RAB7A: variants seen among roughly 807,000 people sequenced by gnomAD.
The protein encoded by RAB7A is RAB7A, member RAS oncogene family, also known as ras-related protein Rab-7a.
Under a neutral mutation model 24.5 loss-of-function variants are expected in RAB7A, and 2 were observed. The ratio of observed to expected loss-of-function variants is 0.08; its 90% CI spans 0.03 to 0.26. The LOEUF is 0.26. Ranked by LOEUF, RAB7A falls within the 10% of genes least tolerant of loss-of-function variation. RAB7A has a pLI of 1.00. For missense variants in RAB7A, 118 were observed against 255.7 expected (o/e 0.46, Z 3.67); for synonymous variants, 100 against 95.9 (o/e 1.04, Z -0.25).
chr3:128,752,953 G>T (rs2070700299), intron 1 of RAB7A, among the ~76,000 whole-genome samples: 1 of 152,072 alleles, frequency 6.6e-6, no homozygotes, highest in Non-Finnish European at 1.5e-5. Context: ...GTCTCAAAAT[G>T]ATGCTACAAA....
chr3:128,727,013 A>G (rs891951148), intron 1 of RAB7A, among the ~76,000 whole-genome samples: 5 of 152,180 alleles, frequency 3.3e-5, no homozygotes, highest in African/African-American at 1.2e-4. Flanking sequence ...TCGAGGAAAG[A>G]TGGTAGTTGG....
chr3:128,742,866 T>G (rs2070568313), intron 1 of RAB7A, among the ~76,000 whole-genome samples: 1 of 152,248 alleles, frequency 6.6e-6, no homozygotes, highest in Non-Finnish European at 1.5e-5. Flanking sequence ...TGGCTTCGCC[T>G]AGCGGATCCC....
intron 1 of RAB7A, among the ~76,000 whole-genome samples, chr3:128,788,596 A>G (rs995271071): frequency 1.3e-5 from 2 of 152,150 alleles, no homozygotes; most frequent in Non-Finnish European, 2.9e-5. Flanking sequence ...AGTGGGTACT[A>G]CTATACTTTG....
intron 1 of RAB7A, among the ~76,000 whole-genome samples, chr3:128,773,495 C>T (rs1369063725): frequency 6.9e-6 from 1 of 145,070 alleles, no homozygotes; most frequent in Non-Finnish European, 1.6e-5. Flanking sequence ...GCCCAGCAAG[C>T]CGACCCGTCC....
At chr3:128,779,347 G>A (rs1451990993) in intron 1 of RAB7A, among the ~76,000 whole-genome samples, 2 of 151,870 alleles carry the variant, frequency 1.3e-5, no homozygotes, top group African/African-American at 4.8e-5. Flanking sequence ...GACAAAGGTT[G>A]CAGTGAGCCG....
chr3:128,791,285 G>T (rs1933447287), intron 1 of RAB7A, among the ~76,000 whole-genome samples: 1 of 152,018 alleles, frequency 6.6e-6, no homozygotes, highest in Non-Finnish European at 1.5e-5. Flanking sequence ...GGGATTAGTT[G>T]CCCACCACCA....
At chr3:128,727,164 C>T (rs555637007) in intron 1 of RAB7A, among the ~76,000 whole-genome samples, 1 of 152,300 alleles carries the variant, frequency 6.6e-6, no homozygotes, top group Non-Finnish European at 1.5e-5. Context: ...TGCTAGGCAG[C>T]GTGGCAAGAC....
At chr3:128,795,553 G>C in intron 2 of RAB7A, 133 bp downstream of exon 2, 5 of 824,144 alleles carry the variant, frequency 6.1e-6, no homozygotes, top group Non-Finnish European at 8.5e-6. Context: ...TCCCTCCACG[G>C]CAGAAATTTA....
intron 3 of RAB7A, among the ~76,000 whole-genome samples, chr3:128,802,219 A>G (rs937321917): frequency 6.6e-6 from 1 of 152,234 alleles, no homozygotes; most frequent in Non-Finnish European, 1.5e-5. Flanking sequence ...GAACTGTGTA[A>G]TCTAATGTGT....
intron 5 of RAB7A, among the ~76,000 whole-genome samples, chr3:128,810,428 C>T (rs879890205): frequency 1.3e-5 from 2 of 152,150 alleles, no homozygotes; most frequent in Non-Finnish European, 2.9e-5. Context: ...GTTAACAAAA[C>T]CCCACAGCCT....
intron 1 of RAB7A, among the ~76,000 whole-genome samples, chr3:128,757,045 A>G (rs950032636): frequency 1.3e-5 from 2 of 151,866 alleles, no homozygotes; most frequent in Non-Finnish European, 2.9e-5. Context: ...GGGTTTTGCC[A>G]TATTGCCCAG....
At chr3:128,761,023 A>C (rs1438337682) in intron 1 of RAB7A, among the ~76,000 whole-genome samples, 1 of 152,226 alleles carries the variant, frequency 6.6e-6, no homozygotes, top group Non-Finnish European at 1.5e-5. Flanking sequence ...TTCTAAAGCT[A>C]AGTAGAAACA....
intron 1 of RAB7A, among the ~76,000 whole-genome samples, chr3:128,791,790 C>G (rs1488665402): frequency 1.3e-5 from 2 of 152,150 alleles, no homozygotes; most frequent in East Asian, 3.9e-4. Context: ...CATTCTGAGT[C>G]AAGGTATTGA....
At chr3:128,744,843 TTC>T (rs2070593526) in intron 1 of RAB7A, among the ~76,000 whole-genome samples, 1 of 152,164 alleles carries the variant, frequency 6.6e-6, no homozygotes, top group African/African-American at 2.4e-5. Flanking sequence ...TCCTTGATAC[TTC>T]TCTGAAGTCA....
intron 1 of RAB7A, among the ~76,000 whole-genome samples, chr3:128,775,316 C>G (rs1162151207): frequency 6.6e-6 from 1 of 152,204 alleles, no homozygotes; most frequent in African/African-American, 2.4e-5. Flanking sequence ...GCCCCATTGT[C>G]TTGGTCAACT....
At chr3:128,726,557 G>GGGCGTGACCTCTGGCCGGGTTGCCC (rs2070380663) in intron 1 of RAB7A, among the ~76,000 whole-genome samples, 198 bp downstream of exon 1, 4 of 152,180 alleles carry the variant, frequency 2.6e-5, no homozygotes, top group Admixed American at 2.0e-4. Context: ...GGAGGTCGTC[G>GGGCGTGACCTCTGGCCGGGTTGCCC]GGCGTGACCT....
chr3:128,780,344 A>G (rs555349119), intron 1 of RAB7A, among the ~76,000 whole-genome samples: 28 of 152,276 alleles, frequency 1.8e-4, no homozygotes, highest in Non-Finnish European at 2.8e-4. Context: ...CCAGCAGGCC[A>G]TTTTTTTCAA....
chr3:128,753,464 A>G (rs2070705280), intron 1 of RAB7A, among the ~76,000 whole-genome samples: 1 of 152,220 alleles, frequency 6.6e-6, no homozygotes, highest in African/African-American at 2.4e-5. Context: ...GTTTAACCTC[A>G]ATAAAAAATA....
At chr3:128,739,198 T>C (rs2070523966) in intron 1 of RAB7A, among the ~76,000 whole-genome samples, 2 of 152,130 alleles carry the variant, frequency 1.3e-5, no homozygotes, top group Non-Finnish European at 2.9e-5. Context: ...CGTTTCTAAA[T>C]TACAGAAGCA....
Sources: gnomAD v4.1 joint callset for allele counts (sites outside exome capture counted in the v4.1 genomes callset) on GRCh38, gnomAD v4.1.1 for gene constraint, MANE v1.5 for transcripts, NCBI Gene and HGNC (gene_info 2026-07-23, HGNC 2026-07-21) for gene names.